Variants in DYNC1LI1 observed in about 807,000 individuals in gnomAD.
The protein encoded by DYNC1LI1 is dynein cytoplasmic 1 light intermediate chain 1, also known as cytoplasmic dynein 1 light intermediate chain 1.
DYNC1LI1 carries 19 observed loss-of-function variants against 63.8 expected under a neutral mutation model. That is an observed-to-expected ratio of 0.30 (90% confidence interval 0.21 to 0.44). The LOEUF is 0.44. Among genes scored for constraint, DYNC1LI1 ranks in the 20% least tolerant of loss-of-function variants. The pLI is 1.00. For missense variants in DYNC1LI1, 565 were observed against 630.2 expected, an observed-to-expected ratio of 0.90 and a Z score of 1.11; for synonymous variants, 225 against 232.3, an observed-to-expected ratio of 0.97 and a Z score of 0.28.
chr3:32,541,782 T>C (rs965579207), intron 4 of DYNC1LI1, among the ~76,000 whole-genome samples: 5 of 152,150 alleles, frequency 3.3e-5, no homozygotes, highest in Non-Finnish European at 7.4e-5. Flanking sequence ...ATAAAGTAAA[T>C]GTGAATGTAT....
chr3:32,529,887 A>G (rs1697672203), intron 10 of DYNC1LI1, among the ~76,000 whole-genome samples: 1 of 152,228 alleles, frequency 6.6e-6, no homozygotes, highest in Non-Finnish European at 1.5e-5. Flanking sequence ...TAGAAAATAA[A>G]GAACATATTG....
At chr3:32,560,513 T>C (rs931162677) in intron 2 of DYNC1LI1, among the ~76,000 whole-genome samples, 5 of 152,016 alleles carry the variant, frequency 3.3e-5, no homozygotes, top group African/African-American at 1.2e-4. Context: ...ATAGTAAACA[T>C]GCTACATAAT....
At chr3:32,558,421 A>AAAAAAAG (rs1698145421) in intron 2 of DYNC1LI1, among the ~76,000 whole-genome samples, 2 of 150,448 alleles carry the variant, frequency 1.3e-5, no homozygotes, top group Admixed American at 6.6e-5. Context: ...AAAAAAAAAA[A>AAAAAAAG]AAAAGAAAAG....
intron 2 of DYNC1LI1, among the ~76,000 whole-genome samples, chr3:32,565,662 T>G (rs1440701844): frequency 1.3e-5 from 2 of 152,042 alleles, no homozygotes; most frequent in African/African-American, 4.8e-5. Flanking sequence ...CAGGCTGGAG[T>G]GCAATGGCGC....
chr3:32,563,481 G>C (rs905647859), intron 2 of DYNC1LI1, among the ~76,000 whole-genome samples: 3 of 151,998 alleles, frequency 2.0e-5, no homozygotes, highest in African/African-American at 4.8e-5. Context: ...TAGTAGAAAT[G>C]GGGTTTCATC....
intron 2 of DYNC1LI1, among the ~76,000 whole-genome samples, chr3:32,558,647 ATCAGC>A (rs1698149200): frequency 6.6e-6 from 1 of 152,042 alleles, no homozygotes; most frequent in Non-Finnish European, 1.5e-5. Flanking sequence ...GGAGTTCGAG[ATCAGC>A]CTGACCAACA....
chr3:32,565,433 A>C (rs1055821209), intron 2 of DYNC1LI1, among the ~76,000 whole-genome samples: 1 of 152,212 alleles, frequency 6.6e-6, no homozygotes, highest in Non-Finnish European at 1.5e-5. Flanking sequence ...CTTTGTTGAC[A>C]ATGAATTCAA....
chr3:32,547,402 A>C (rs578074315), intron 2 of DYNC1LI1, among the ~76,000 whole-genome samples: 1 of 152,220 alleles, frequency 6.6e-6, no homozygotes, highest in Non-Finnish European at 1.5e-5. Context: ...GCTTGAATCT[A>C]AGGACTTATT....
chr3:32,547,046 A>G (rs768572807), intron 2 of DYNC1LI1, among the ~76,000 whole-genome samples: 114 of 152,168 alleles, frequency 7.5e-4, no homozygotes, highest in Admixed American at 2.2e-3. Context: ...AGTTCAGACC[A>G]GCCTGGCCAG....
chr3:32,548,478 A>G (rs1697988595), intron 2 of DYNC1LI1, among the ~76,000 whole-genome samples: 1 of 152,174 alleles, frequency 6.6e-6, no homozygotes, highest in Non-Finnish European at 1.5e-5. Context: ...TAAATAAAAC[A>G]AGCCAGGCAC....
intron 2 of DYNC1LI1, among the ~76,000 whole-genome samples, chr3:32,568,892 A>G (rs1303068910): frequency 6.6e-6 from 1 of 152,204 alleles, no homozygotes; most frequent in Non-Finnish European, 1.5e-5. Flanking sequence ...AAATTAGTAA[A>G]CTAAAAATAT....
intron 4 of DYNC1LI1, 72 bp downstream of exon 4, chr3:32,544,804 A>T: frequency 1.8e-6 from 2 of 1,133,114 alleles, no homozygotes; most frequent in Non-Finnish European, 2.6e-6. Context: ...TATAGTCAAA[A>T]ATTCCTAATG....
chr3:32,537,199 T>C, intron 5 of DYNC1LI1, 95 bp from the exon 6 acceptor site: 1 of 629,740 alleles, frequency 1.6e-6, no homozygotes, highest in South Asian at 2.9e-5. Context: ...GGGAACATCA[T>C]AAAAGTACCA....
At chr3:32,535,025 C>T (rs1432592984) in intron 6 of DYNC1LI1, among the ~76,000 whole-genome samples, 1 of 152,118 alleles carries the variant, frequency 6.6e-6, no homozygotes, top group Non-Finnish European at 1.5e-5. Flanking sequence ...GTTTTGTTTG[C>T]CTTTTCAACA....
At chr3:32,562,059 G>A (rs1282961957) in intron 2 of DYNC1LI1, among the ~76,000 whole-genome samples, 1 of 152,116 alleles carries the variant, frequency 6.6e-6, no homozygotes, top group Admixed American at 6.6e-5. Flanking sequence ...GATCATTTGA[G>A]CACAGGAGTT....
Position 32,528,112 on chromosome 3 carries a change from C to CAAAAAAAAAAAAA in DYNC1LI1, c.1462+321_1462+333dup, listed in dbSNP as rs60912161. Among the ~76,000 whole-genome samples the CAAAAAAAAAAAAA allele has an allele frequency of 1.2e-3, 35 of 29,900 alleles. 3 individuals carry two copies. Among genetic ancestry groups the CAAAAAAAAAAAAA allele is most frequent in the East Asian group, 2.1e-3 (2 of 972 alleles). The allele number at this position is 29,900 out of a possible 152,430, so 19.6% of individuals were successfully genotyped here. A position where few individuals can be genotyped will look rare whatever the true frequency, so the allele number is the denominator to read the frequency against. ...TGGGCAACAGAACAAGACTCCATCT[C>CAAAAAAAAAAAAA]AAAAAAAAAAAAAAAAAAAAAAAAA... On this transcript the variant is annotated intron_variant, in intron 12 of 12. Transcript: ENST00000273130.
chr3:32,561,029 A>AAAAC (rs1698185511), intron 2 of DYNC1LI1, among the ~76,000 whole-genome samples: 1 of 130,022 alleles, frequency 7.7e-6, no homozygotes, highest in Non-Finnish European at 1.6e-5. Context: ...AAAAAAAAAA[A>AAAAC]AAAACAAACA....
chr3:32,568,358 C>G (rs1464164792), intron 2 of DYNC1LI1, among the ~76,000 whole-genome samples: 1 of 152,140 alleles, frequency 6.6e-6, no homozygotes, highest in Non-Finnish European at 1.5e-5. Context: ...AAAGTTAACT[C>G]TATTTTTGTA....
At chr3:32,543,398 CTTTTTTTTTTT>C (rs968681360) in intron 4 of DYNC1LI1, among the ~76,000 whole-genome samples, 31 of 127,484 alleles carry the variant, frequency 2.4e-4, no homozygotes, top group African/African-American at 7.2e-4. Context: ...TATTTCCTTT[CTTTTTTTTTTT>C]TTTTTTTTGA....
Sources: gnomAD v4.1 joint callset for allele counts (sites outside exome capture counted in the v4.1 genomes callset) on GRCh38, gnomAD v4.1.1 for gene constraint, MANE v1.5 for transcripts, NCBI Gene and HGNC (gene_info 2026-07-23, HGNC 2026-07-21) for gene names.